The following GOLGA7B variants were observed in gnomAD, a reference collection of about 807,000 sequenced individuals.
GOLGA7B encodes golgin A7 family member B, also known as golgin subfamily A member 7B.
A neutral mutation model predicts 21.5 loss-of-function variants in GOLGA7B; 17 were observed. That is an observed-to-expected ratio of 0.79 (90% CI 0.54 to 1.19). The LOEUF (loss-of-function observed/expected upper bound fraction) is 1.19. Ranked by LOEUF, GOLGA7B falls within the 50% of genes most tolerant of loss-of-function variation. The pLI is 0.00. For missense variants in GOLGA7B, 169 were observed against 224.4 expected (o/e 0.75, Z 1.58); for synonymous variants, 87 against 84.0 (o/e 1.04, Z -0.19).
chr10:97,865,503 A>G, intron 4 of GOLGA7B, 87 bp from the exon 5 acceptor site: 1 of 1,561,928 alleles, frequency 6.4e-7, no homozygotes, highest in Non-Finnish European at 8.7e-7. Context: ...CCACTTTCCC[A>G]CTCCCCTGCT....
At chr10:97,862,349 G>A (rs1361107357) in intron 2 of GOLGA7B, among the ~76,000 whole-genome samples, 1 of 152,126 alleles carries the variant, frequency 6.6e-6, no homozygotes, top group East Asian at 1.9e-4. Flanking sequence ...CAAAAATCTG[G>A]ATATAACCTT....
intron 2 of GOLGA7B, among the ~76,000 whole-genome samples, chr10:97,860,408 A>G (rs1236682308): frequency 2.6e-5 from 4 of 152,040 alleles, no homozygotes; most frequent in African/African-American, 9.7e-5. Context: ...GATGGAGTGC[A>G]GTGGTGTGAC....
rs2050053244 is a variant in GOLGA7B at position 97,868,494 on chromosome 10, C to T, written c.*2794C>T. ...AGAGGGGCTCATCAGACTGTGGGGACAACGGCTCCAGCCTCTTAGGTGGGG... is the reference window on the plus strand; with the variant it reads ...AGAGGGGCTCATCAGACTGTGGGGATAACGGCTCCAGCCTCTTAGGTGGGG... On this transcript the variant is annotated 3_prime_UTR_variant, in exon 5 of 5. Transcript: ENST00000370602. 1 of 152,264 alleles carries T rather than the reference C, an allele frequency of 6.6e-6. No individual in the cohort carries two copies. The highest frequency in any genetic ancestry group is 1.5e-5 in the Non-Finnish European group (1 of 68,080). 9.4% of individuals were successfully genotyped at this position (152,264 alleles called of 1,614,324 possible).
In GOLGA7B at chr10:97,870,908, G is replaced by A. The variant is rs1400391334; in HGVS notation, c.*5208G>A. The stretch of plus-strand genomic sequence containing the variant: ...TGCATATTATGTGCCGTTATCTGAG[G>A]AGAGCATCTACAGCTTTCAGCAGAT... On this transcript the variant is annotated 3_prime_UTR_variant, in exon 5 of 5. Coordinates refer to ENST00000370602, the MANE Select transcript of GOLGA7B (RefSeq NM_001010917.3). 2 of 152,188 alleles carry A rather than the reference G, an allele frequency of 1.3e-5. No individual in the cohort carries two copies. The highest frequency in any genetic ancestry group is 2.4e-5 in the African/African-American group (1 of 41,432). The allele number at this position is 152,188 out of a possible 1,614,324, so 9.4% of individuals were successfully genotyped here.
chr10:97,859,392 C>T, intron 1 of GOLGA7B, 66 bp from the exon 2 acceptor site: 1 of 1,538,842 alleles, frequency 6.5e-7, no homozygotes, highest in Non-Finnish European at 8.9e-7. Context: ...CTGGGAAACC[C>T]CTGCATTTGG....
At chr10:97,855,084 G>A (rs151221729) in intron 1 of GOLGA7B, among the ~76,000 whole-genome samples, 2 of 152,322 alleles carry the variant, frequency 1.3e-5, no homozygotes, top group Non-Finnish European at 2.9e-5. Context: ...TAATATAGCT[G>A]TATGCCTAGG....
At chr10:97,851,804 C>T (rs2049907433) in intron 1 of GOLGA7B, among the ~76,000 whole-genome samples, 1 of 152,236 alleles carries the variant, frequency 6.6e-6, no homozygotes, top group African/African-American at 2.4e-5. Flanking sequence ...TGCCATGGCC[C>T]ACAGATTCCA....
At chr10:97,865,368 G>T in intron 4 of GOLGA7B, 1 of 691,270 alleles carries the variant, frequency 1.4e-6, no homozygotes, top group Non-Finnish European at 2.3e-6. Context: ...ACAGCTATGT[G>T]CCCAGCACAG....
chr10:97,856,177 AC>A (rs1350390142), intron 1 of GOLGA7B, among the ~76,000 whole-genome samples: 1 of 152,078 alleles, frequency 6.6e-6, no homozygotes, highest in Non-Finnish European at 1.5e-5. Context: ...TGTACCCATC[AC>A]CCAAGTAGTG....
At chr10:97,851,006 T>C (rs2049902300) in intron 1 of GOLGA7B, among the ~76,000 whole-genome samples, 1 of 152,074 alleles carries the variant, frequency 6.6e-6, no homozygotes, top group Non-Finnish European at 1.5e-5. Flanking sequence ...GGGCAGAATC[T>C]TGGTATAATG....
At chr10:97,855,224 A>G in intron 1 of GOLGA7B, among the ~76,000 whole-genome samples, 1 of 152,232 alleles carries the variant, frequency 6.6e-6, no homozygotes, top group East Asian at 1.9e-4. Flanking sequence ...CTATCAAATT[A>G]GCAACATCGT....
In GOLGA7B at chr10:97,866,044, G is replaced by A. The variant is rs993642802; in HGVS notation, c.*344G>A. 2 of 307,064 alleles carry A rather than the reference G, an allele frequency of 6.5e-6. No individual in the cohort carries two copies. The highest frequency in any genetic ancestry group is 4.6e-5 in the Admixed American group (1 of 21,894). The allele number at this position is 307,064 out of a possible 1,614,324, so 19.0% of individuals were successfully genotyped here. ...TCCACAGCCCCTCTCCCAACCCTGC[G>A]AGGGGGGCCGAGGCCTGCCACATAG... On this transcript the variant is annotated 3_prime_UTR_variant, in exon 5 of 5. Coordinates refer to ENST00000370602, the MANE Select transcript of GOLGA7B (RefSeq NM_001010917.3).
Position 97,864,062 on chromosome 10 carries a change from A to G in GOLGA7B, c.271A>G (p.Met91Val). ...CACGGCCTACTTCATCTTCCTCTGC[A>G]TGGAGACCCACTATGAGAAGGTGGC... ...CATAYFIFLC[M>V]ETHYEKVLKK... The change falls in exon 3 of 5, where the codon ATG becomes GTG. Residue 91 changes from methionine to valine, a missense_variant. Transcript: ENST00000370602. 6.2e-7 allele frequency: 1 copy of G among 1,614,112 alleles called. No individual in the cohort carries two copies. Among genetic ancestry groups the G allele is most frequent in the Non-Finnish European group, 8.5e-7 (1 of 1,179,964 alleles).
At chr10:97,850,385 G>A in intron 1 of GOLGA7B, 70 bp downstream of exon 1, 3 of 1,372,074 alleles carry the variant, frequency 2.2e-6, no homozygotes, top group South Asian at 1.4e-5. Flanking sequence ...GGGGTGGGCT[G>A]GGCAGGAGTG....
At chr10:97,852,736 G>A (rs2049911917) in intron 1 of GOLGA7B, among the ~76,000 whole-genome samples, 1 of 151,940 alleles carries the variant, frequency 6.6e-6, no homozygotes, top group Non-Finnish European at 1.5e-5. Context: ...AGAGGGAGGG[G>A]TGAGGGAGAG....
intron 1 of GOLGA7B, among the ~76,000 whole-genome samples, chr10:97,856,294 A>G (rs1433601130): frequency 6.6e-6 from 1 of 152,084 alleles, no homozygotes; most frequent in Non-Finnish European, 1.5e-5. Flanking sequence ...CCTCTTGTTT[A>G]GCTTAGATTT....
chr10:97,871,240 T>C lies in GOLGA7B; in HGVS notation c.*5540T>C, dbSNP rs1018637132. On this transcript the variant is annotated 3_prime_UTR_variant, in exon 5 of 5. Transcript: ENST00000370602. Reference sequence around the variant, plus strand: ...GGACAGCAGAACTTCGCATGCAGGATCCTGGAGCTGCGTCGGGTTTTGAAT... The same window carrying C: ...GGACAGCAGAACTTCGCATGCAGGACCCTGGAGCTGCGTCGGGTTTTGAAT... The C allele has an allele frequency of 2.6e-5, 4 of 152,192 alleles. No individual in the cohort carries two copies. The highest frequency in any genetic ancestry group is 9.6e-5 in the African/African-American group (4 of 41,460). The allele number at this position is 152,192 out of a possible 1,614,324, so 9.4% of individuals were successfully genotyped here. A position where few individuals can be genotyped will look rare whatever the true frequency, so the allele number is the denominator to read the frequency against.
chr10:97,852,543 A>G (rs1590157879), intron 1 of GOLGA7B, among the ~76,000 whole-genome samples: 1 of 152,318 alleles, frequency 6.6e-6, no homozygotes, highest in African/African-American at 2.4e-5. Flanking sequence ...CATTCTCCCA[A>G]GGCTGTTTTT....
rs773143292 is a variant in GOLGA7B, at chr10:97,863,974, A to T, written c.183A>T (p.Gly61=). 1.2e-6 allele frequency: 2 copies of T among 1,614,068 alleles called. No homozygotes were observed. Among genetic ancestry groups the T allele is most frequent in the East Asian group, 2.2e-5 (1 of 44,872 alleles). The change falls in exon 3 of 5, where the codon GGA becomes GGT. Residue 61 remains glycine, a synonymous_variant. Coordinates refer to ENST00000370602, the MANE Select transcript of GOLGA7B (RefSeq NM_001010917.3). The part of the protein sequence containing the change: ...LFEETVKTLN[G]FYAEAEKIGG... The stretch of plus-strand genomic sequence containing the variant: ...AAGAGACTGTGAAGACCCTCAACGG[A>T]TTTTACGCAGAGGCTGAGAAGATTG...
Sources: gnomAD v4.1 joint callset for allele counts (sites outside exome capture counted in the v4.1 genomes callset) on GRCh38, gnomAD v4.1.1 for gene constraint, MANE v1.5 for transcripts, NCBI Gene and HGNC (gene_info 2026-07-23, HGNC 2026-07-21) for gene names.